Variants in XRN1 observed in about 807,000 individuals in gnomAD.
XRN1 encodes the protein 5'-3' exoribonuclease 1.
XRN1 carries 67 observed loss-of-function variants against 222.3 expected under a neutral mutation model. The ratio of observed to expected loss-of-function variants is 0.30; its 90% CI spans 0.25 to 0.37. The LOEUF (loss-of-function observed/expected upper bound fraction) is 0.37. Among genes scored for constraint, XRN1 ranks in the 10% least tolerant of loss-of-function variants. XRN1 has a pLI of 1.00. For missense variants in XRN1, 1,707 were observed against 2,000.2 expected (o/e 0.85, Z 2.80); for synonymous variants, 643 against 652.4 (o/e 0.99, Z 0.22).
intron 1 of XRN1, among the ~76,000 whole-genome samples, chr3:142,437,917 C>T (rs937033522): frequency 7.9e-5 from 12 of 152,110 alleles, no homozygotes; most frequent in African/African-American, 2.9e-4. Context: ...AAAGGACACA[C>T]AAATGGCAAA....
intron 20 of XRN1, among the ~76,000 whole-genome samples, chr3:142,395,707 G>A (rs186843515): frequency 9.5e-4 from 144 of 152,246 alleles, no homozygotes; most frequent in Middle Eastern, 3.4e-3. Context: ...TATACGGTGT[G>A]GTTTATTACC....
chr3:142,371,129 CAAAAAA>C, intron 26 of XRN1, 104 bp downstream of exon 26: 33 of 645,412 alleles, frequency 5.1e-5, no homozygotes, highest in East Asian at 9.8e-5. Context: ...GAACCTGTCT[CAAAAAA>C]AAAAAAAAAA....
rs1366205347 is a variant in XRN1 at position 142,318,658 on chromosome 3, C to T, written c.4555G>A (p.Val1519Ile). The T allele has an allele frequency of 6.2e-7, 1 of 1,609,580 alleles. No homozygotes were observed. The highest frequency in any genetic ancestry group is 2.2e-5 in the East Asian group (1 of 44,820). Residue 1519 changes from valine (V) to isoleucine (I), a missense_variant, in exon 39 of 41, where the codon GTA becomes ATA. This residue lies in a region of XRN1 where 473 missense variants were observed against 482.0 expected (regional missense o/e 0.98). Transcript: ENST00000392981. ...ACAGCTGAAGGATAATTTGCAAATACTTGTGAAGGCAAAGGGAAATTCATG... is the reference window on the plus strand; with the variant it reads ...ACAGCTGAAGGATAATTTGCAAATATTTGTGAAGGCAAAGGGAAATTCATG... ...LGMNFPLPSQVFANYPSAVPP... is the reference protein window; with the variant it reads ...LGMNFPLPSQIFANYPSAVPP...
At chr3:142,358,987 C>T (rs1268186197) in intron 30 of XRN1, among the ~76,000 whole-genome samples, 1 of 152,114 alleles carries the variant, frequency 6.6e-6, no homozygotes, top group Admixed American at 6.5e-5. Context: ...TCATCTCATC[C>T]TCACAATAAC....
intron 30 of XRN1, 103 bp from the exon 31 acceptor site, chr3:142,357,222 T>C: frequency 1.0e-6 from 1 of 990,740 alleles, no homozygotes; most frequent in Non-Finnish European, 1.5e-6. Flanking sequence ...TCAGCATTAG[T>C]AAATATTACT....
chr3:142,410,149 G>A (rs189000706), intron 15 of XRN1, among the ~76,000 whole-genome samples: 1 of 152,216 alleles, frequency 6.6e-6, no homozygotes, highest in African/African-American at 2.4e-5. Context: ...ACGTTAGAAA[G>A]AAGTGGTTAG....
chr3:142,424,002 A>G (rs913237531), intron 5 of XRN1, among the ~76,000 whole-genome samples: 4 of 152,058 alleles, frequency 2.6e-5, no homozygotes, highest in African/African-American at 9.7e-5. Context: ...TGACCAAAGA[A>G]TGCAGGACTC....
In XRN1 at chr3:142,329,629, G is replaced by C; in HGVS notation, c.4223-14C>G. The C allele has an allele frequency of 3.9e-6, 6 of 1,526,674 alleles. No individual in the cohort carries two copies. Among genetic ancestry groups the C allele is most frequent in the Non-Finnish European group, 5.2e-6 (6 of 1,149,204 alleles). The allele number at this position is 1,526,674 out of a possible 1,614,324, so 94.6% of individuals were successfully genotyped here. A position where few individuals can be genotyped will look rare whatever the true frequency, so the allele number is the denominator to read the frequency against. On this transcript the variant is annotated splice_polypyrimidine_tract_variant and intron_variant, in intron 36 of 40. Coordinates refer to ENST00000392981, the MANE Select transcript of XRN1 (RefSeq NM_001282857.2). ...TCATATAAGATGCTACCAAAAAAGA[G>C]AAAAGAGTCTATCTTTATTAATAAA...
intron 29 of XRN1, among the ~76,000 whole-genome samples, chr3:142,361,592 G>A (rs535718807): frequency 6.6e-6 from 1 of 152,110 alleles, no homozygotes; most frequent in Non-Finnish European, 1.5e-5. Context: ...CTATATCATT[G>A]TCAACACTTG....
intron 6 of XRN1, 118 bp downstream of exon 6, chr3:142,423,442 C>A: frequency 1.5e-6 from 1 of 652,976 alleles, no homozygotes; most frequent in Admixed American, 3.8e-5. Context: ...AGGACACTAT[C>A]AACATAGTGA....
chr3:142,362,190 T>A (rs534452380), intron 29 of XRN1, among the ~76,000 whole-genome samples: 1 of 152,068 alleles, frequency 6.6e-6, no homozygotes, highest in Non-Finnish European at 1.5e-5. Flanking sequence ...CAGGCTAAAG[T>A]GCAGTGGCAT....
At chr3:142,383,564 T>G in intron 21 of XRN1, 151 bp from the exon 22 acceptor site, 444 of 655,310 alleles carry the variant, frequency 6.8e-4, no homozygotes, top group East Asian at 9.7e-4. Context: ...GTTGACTGGT[T>G]ATATGGCAGG....
At chr3:142,347,177 T>A in intron 33 of XRN1, 57 bp downstream of exon 33, 1 of 1,169,034 alleles carries the variant, frequency 8.6e-7, no homozygotes, top group Non-Finnish European at 1.2e-6. Flanking sequence ...ATAAAATGTT[T>A]ATTTTTTTAA....
At chr3:142,422,447 A>T in intron 8 of XRN1, 135 bp downstream of exon 8, 1 of 900,074 alleles carries the variant, frequency 1.1e-6, no homozygotes, top group Non-Finnish European at 1.7e-6. Context: ...AGAGGTTAGC[A>T]CCTTAGACCA....
At chr3:142,437,648 G>A (rs2069978395) in intron 1 of XRN1, among the ~76,000 whole-genome samples, 1 of 152,066 alleles carries the variant, frequency 6.6e-6, no homozygotes, top group Admixed American at 6.5e-5. Context: ...AATGTCTTAA[G>A]TAATATCCCA....
intron 37 of XRN1, among the ~76,000 whole-genome samples, chr3:142,320,539 T>C (rs1164545935): frequency 6.6e-6 from 1 of 152,320 alleles, no homozygotes; most frequent in African/African-American, 2.4e-5. Flanking sequence ...TTTCTTTTGC[T>C]GTGCAGGAGC....
At chr3:142,359,967 A>T in intron 29 of XRN1, 36 bp from the exon 30 acceptor site, 1 of 1,448,238 alleles carries the variant, frequency 6.9e-7, no homozygotes, top group Non-Finnish European at 9.4e-7. Flanking sequence ...GACACTAAAA[A>T]ATCATATGAT....
At chr3:142,344,636 C>T (rs542565975) in intron 33 of XRN1, among the ~76,000 whole-genome samples, 3 of 151,900 alleles carry the variant, frequency 2.0e-5, no homozygotes, top group South Asian at 4.2e-4. Context: ...AAATTAAAAA[C>T]CCAGTTCCAT....
chr3:142,369,384 T>C (rs1452660163), intron 27 of XRN1, among the ~76,000 whole-genome samples: 1 of 152,070 alleles, frequency 6.6e-6, no homozygotes, highest in East Asian at 1.9e-4. Flanking sequence ...CGGTGGCTCA[T>C]GTCTGTAATC....
Sources: gnomAD v4.1 joint callset for allele counts (sites outside exome capture counted in the v4.1 genomes callset) on GRCh38, gnomAD v4.1.1 for gene constraint, gnomAD v4.1.1 regional missense constraint, MANE v1.5 for transcripts, NCBI Gene and HGNC (gene_info 2026-07-23, HGNC 2026-07-21) for gene names.